Variants in RCHY1 observed in about 807,000 individuals in gnomAD.
The protein encoded by RCHY1 is ring finger and CHY zinc finger domain containing 1, also known as RING finger and CHY zinc finger domain-containing protein 1.
In RCHY1, 21 loss-of-function variants were observed where a neutral mutation model predicts 41.6. The ratio of observed to expected loss-of-function variants is 0.51; its 90% CI spans 0.36 to 0.73. The LOEUF (loss-of-function observed/expected upper bound fraction) is 0.73. Among genes scored for constraint, RCHY1 ranks in the 30% least tolerant of loss-of-function variants. The probability of loss-of-function intolerance (pLI) is 0.00; values close to 1 mark genes in which losing one functional copy is unlikely to be tolerated. For missense variants in RCHY1, 265 were observed against 325.3 expected, an observed-to-expected ratio of 0.81 and a Z score of 1.43; for synonymous variants, 79 against 102.9, an observed-to-expected ratio of 0.77 and a Z score of 1.41.
chr4:75,508,926 T>C lies in RCHY1; in HGVS notation c.220A>G (p.Thr74Ala). The change falls in exon 3 of 9, where the codon ACT (threonine) becomes GCT (alanine). Residue 74 changes from threonine (T) to alanine (A), a missense_variant. Transcript: ENST00000324439. ...NCEKIQHAQQ[T>A]CEECSTLFGE... is the part of the protein sequence containing the mutation. ...AACAATGTGCTACATTCTTCACAAGTCTGTTGGGCCTAAAAAAGAAACATA... is the reference window on the plus strand; with the variant it reads ...AACAATGTGCTACATTCTTCACAAGCCTGTTGGGCCTAAAAAAGAAACATA... 2 of 1,593,046 alleles carry C rather than the reference T, an allele frequency of 1.3e-6. No individual in the cohort carries two copies. Among genetic ancestry groups the C allele is most frequent in the South Asian group, 1.1e-5 (1 of 87,062 alleles).
intron 8 of RCHY1, among the ~76,000 whole-genome samples, chr4:75,488,219 T>C (rs919058511): frequency 1.1e-4 from 17 of 152,080 alleles, no homozygotes; most frequent in African/African-American, 3.6e-4. Flanking sequence ...GTCTTAATTA[T>C]GGTTACTGTG....
Position 75,482,640 on chromosome 4 carries a change from T to C in RCHY1, c.684A>G (p.Arg228=), listed in dbSNP as rs1216318932. The C allele has an allele frequency of 3.1e-6, 5 of 1,610,540 alleles. No individual in the cohort carries two copies. Among genetic ancestry groups the C allele is most frequent in the Non-Finnish European group, 4.2e-6 (5 of 1,177,584 alleles). ...VDILCNDCNG[R]STVQFHILGM... ...CTAATATATGAAACTGAACAGTGGATCGTCCATTACAGTCATTGCAGAGAA... is the reference window on the plus strand; with the variant it reads ...CTAATATATGAAACTGAACAGTGGACCGTCCATTACAGTCATTGCAGAGAA... Residue 228 remains arginine, a synonymous_variant, in exon 9 of 9, where the codon CGA becomes CGG. Transcript: ENST00000324439.
At chr4:75,497,578 A>ATTAAACTCTGTTAAGTTTAAT (rs1393288164) in intron 3 of RCHY1, among the ~76,000 whole-genome samples, 68 of 152,138 alleles carry the variant, frequency 4.5e-4, no homozygotes, top group Middle Eastern at 3.4e-3. Context: ...TCTTTGCTCA[A>ATTAAACTCTGTTAAGTTTAAT]TTAAACTCTG....
At chr4:75,490,980 A>G (rs1578212967) in intron 7 of RCHY1, 2 of 232,284 alleles carry the variant, frequency 8.6e-6, no homozygotes, top group African/African-American at 4.5e-5. Flanking sequence ...ATTTTTATAA[A>G]CTAATTAAGC....
At chr4:75,495,267 A>G (rs1168586539) in intron 3 of RCHY1, among the ~76,000 whole-genome samples, 2 of 152,000 alleles carry the variant, frequency 1.3e-5, no homozygotes, top group Non-Finnish European at 2.9e-5. Flanking sequence ...TTTGTAACCT[A>G]TAGATCATAA....
intron 8 of RCHY1, 125 bp downstream of exon 8, chr4:75,490,456 C>T (rs1722641338): frequency 6.7e-6 from 4 of 600,108 alleles, no homozygotes; most frequent in Non-Finnish European, 1.1e-5. Context: ...TTCCATTAAT[C>T]ATCACATTAG....
At chr4:75,491,537 T>C in intron 7 of RCHY1, 74 bp downstream of exon 7, 3 of 1,347,558 alleles carry the variant, frequency 2.2e-6, no homozygotes, top group Non-Finnish European at 3.1e-6. Flanking sequence ...TAACAATGTT[T>C]GTCCACCTCC....
At chr4:75,512,577 T>C (rs922952715) in intron 1 of RCHY1, among the ~76,000 whole-genome samples, 7 of 152,276 alleles carry the variant, frequency 4.6e-5, no homozygotes, top group Middle Eastern at 3.4e-3. Flanking sequence ...TCCTAGAATA[T>C]ACAAACATGC....
In RCHY1 at chr4:75,493,036, T is replaced by A. The variant is rs187836129; in HGVS notation, c.405+1065A>T. ...ATGCTGAGGTGAGGATGCAATGAAT[T>A]AGTGTGTGCACACACACTACACATG... On this transcript the variant is annotated intron_variant, in intron 4 of 8. Coordinates refer to ENST00000324439, the MANE Select transcript of RCHY1 (RefSeq NM_015436.4). Among the ~76,000 whole-genome samples, 52 of 152,120 alleles carry A rather than the reference T, an allele frequency of 3.4e-4. No individual in the cohort carries two copies. The East Asian group carries it at 8.9e-3, about 26-fold the overall frequency.
intron 3 of RCHY1, among the ~76,000 whole-genome samples, chr4:75,502,769 T>C (rs879172531): frequency 2.6e-5 from 4 of 152,126 alleles, no homozygotes; most frequent in Admixed American, 2.6e-4. Flanking sequence ...AAGACTAAAA[T>C]GCAAAGCATG....
In RCHY1 at chr4:75,509,142, T is replaced by A. The variant is rs2306177; in HGVS notation, c.210+35A>T. The stretch of plus-strand genomic sequence containing the variant: ...TTTTTCAAACCACCTTAATACAGCT[T>A]TTAAAAAGAAAATAGAAATGTCATA... On this transcript the variant is annotated intron_variant, in intron 2 of 8. Coordinates refer to ENST00000324439, the MANE Select transcript of RCHY1 (RefSeq NM_015436.4). 0.22 allele frequency: 343,226 copies of A among 1,583,652 alleles called. 38,001 individuals carry two copies. The highest frequency in any genetic ancestry group is 0.31 in the Middle Eastern group (1,833 of 5,940).
At chr4:75,488,207 CA>C (rs1298945312) in intron 8 of RCHY1, among the ~76,000 whole-genome samples, 1 of 151,866 alleles carries the variant, frequency 6.6e-6, no homozygotes, top group African/African-American at 2.4e-5. Context: ...TATATGCTAT[CA>C]GTCTTAATTA....
chr4:75,497,460 T>G (rs1392776261), intron 3 of RCHY1, among the ~76,000 whole-genome samples: 1 of 152,134 alleles, frequency 6.6e-6, no homozygotes, highest in African/African-American at 2.4e-5. Context: ...CCTTACTCAT[T>G]TTCTGTCACT....
At position 75,481,460 on chromosome 4, in the gene RCHY1, G is replaced by A. The variant is rs1323956418; in HGVS notation, c.*1078C>T. ...TGTTAACTTTGTTCCTGAAGTAAGA[G>A]GTATATTTAATTCCACTACATGAGC... On this transcript the variant is annotated 3_prime_UTR_variant, in exon 9 of 9. Transcript: ENST00000324439. The A allele has an allele frequency of 2.0e-5, 3 of 152,104 alleles. No homozygotes were observed. Among genetic ancestry groups the A allele is most frequent in the African/African-American group, 7.2e-5 (3 of 41,410 alleles). The allele number at this position is 152,104 out of a possible 1,614,324, so 9.4% of individuals were successfully genotyped here.
chr4:75,496,313 G>C (rs1723201402), intron 3 of RCHY1, among the ~76,000 whole-genome samples: 1 of 152,056 alleles, frequency 6.6e-6, no homozygotes, highest in Non-Finnish European at 1.5e-5. Context: ...TTTGAGGCCA[G>C]GACAGGTTAG....
chr4:75,498,481 CAAAAAAAA>C (rs57789217), intron 3 of RCHY1, among the ~76,000 whole-genome samples: 4 of 68,778 alleles, frequency 5.8e-5, no homozygotes, highest in Non-Finnish European at 1.3e-4. Flanking sequence ...CAATCCTGAG[CAAAAAAAA>C]AAAAAAAAAA....
chr4:75,479,345 T>C lies in RCHY1; in HGVS notation c.*3193A>G, dbSNP rs1355068002. On this transcript the variant is annotated 3_prime_UTR_variant, in exon 9 of 9. Coordinates refer to ENST00000324439, the MANE Select transcript of RCHY1 (RefSeq NM_015436.4). Reference sequence around the variant, plus strand: ...CCATTTAAAATTAATTCATTTCAAATTAAACTATTCAACTAGTGAATACCT... The same window carrying C: ...CCATTTAAAATTAATTCATTTCAAACTAAACTATTCAACTAGTGAATACCT... 1 of 152,092 alleles carries C rather than the reference T, an allele frequency of 6.6e-6. No homozygotes were observed. The highest frequency in any genetic ancestry group is 1.9e-4 in the East Asian group (1 of 5,202). The allele number at this position is 152,092 out of a possible 1,614,324, so 9.4% of individuals were successfully genotyped here.
At chr4:75,487,096 G>A (rs1722084098) in intron 8 of RCHY1, among the ~76,000 whole-genome samples, 1 of 151,808 alleles carries the variant, frequency 6.6e-6, no homozygotes, top group South Asian at 2.1e-4. Flanking sequence ...AGTTTATAAG[G>A]GAATATAAAA....
intron 7 of RCHY1, chr4:75,491,189 T>A (rs1481289658): frequency 1.2e-5 from 2 of 160,966 alleles, no homozygotes; most frequent in Admixed American, 1.3e-4. Context: ...CTAATTTTAA[T>A]ATCTTTTCCA....
Sources: allele counts gnomAD v4.1 joint callset (sites outside exome capture counted in the v4.1 genomes callset), GRCh38; gene constraint gnomAD v4.1.1; transcripts MANE v1.5; gene names NCBI Gene and HGNC (gene_info 2026-07-23, HGNC 2026-07-21).